IMMP1L: variants seen among roughly 807,000 people sequenced by gnomAD.
The protein encoded by IMMP1L is mitochondrial inner membrane protease subunit 1.
In IMMP1L, 24 loss-of-function variants were observed where a neutral mutation model predicts 21.8. The ratio of observed to expected loss-of-function variants is 1.10; its 90% CI spans 0.80 to 1.55. The LOEUF is 1.55. Ranked by LOEUF, IMMP1L falls within the 40% of genes most tolerant of loss-of-function variation. The pLI is 0.00. For synonymous variants in IMMP1L, 46 were observed against 62.8 expected (o/e 0.73, Z 1.26); for missense variants, 195 against 200.7 (o/e 0.97, Z 0.17).
intron 4 of IMMP1L, chr11:31,448,991 A>AT (rs1184454302): frequency 1.0e-6 from 1 of 985,306 alleles, no homozygotes; most frequent in Non-Finnish European, 1.2e-6. Context: ...TATTTCCTCC[A>AT]TATCAGCTGC....
At chr11:31,483,408 A>C (rs1056972365) in intron 1 of IMMP1L, among the ~76,000 whole-genome samples, 6 of 152,074 alleles carry the variant, frequency 3.9e-5, no homozygotes, top group Non-Finnish European at 8.8e-5. Context: ...ACATGTATAT[A>C]ATCCAAGGGA....
chr11:31,441,674 T>C (rs1953334485), intron 4 of IMMP1L, among the ~76,000 whole-genome samples: 1 of 151,970 alleles, frequency 6.6e-6, no homozygotes, highest in East Asian at 1.9e-4. Context: ...AACCAGATAA[T>C]AGAAAAAAGA....
intron 1 of IMMP1L, among the ~76,000 whole-genome samples, chr11:31,482,328 T>TA (rs560633639): frequency 1.3e-5 from 2 of 151,990 alleles, no homozygotes; most frequent in South Asian, 4.1e-4. Flanking sequence ...AAACAAGAAT[T>TA]AAAAAGCACT....
intron 1 of IMMP1L, among the ~76,000 whole-genome samples, chr11:31,504,911 T>C (rs1400527724): frequency 6.6e-6 from 1 of 152,166 alleles, no homozygotes; most frequent in East Asian, 1.9e-4. Context: ...AGGACTATAG[T>C]TTCTCTTTGT....
At chr11:31,465,845 A>T (rs972689641) in intron 1 of IMMP1L, among the ~76,000 whole-genome samples, 1 of 152,102 alleles carries the variant, frequency 6.6e-6, no homozygotes, top group Non-Finnish European at 1.5e-5. Flanking sequence ...ACTATAGGGG[A>T]AACACTTCAA....
intron 1 of IMMP1L, among the ~76,000 whole-genome samples, chr11:31,480,639 A>G (rs991762039): frequency 1.3e-5 from 2 of 152,134 alleles, no homozygotes; most frequent in African/African-American, 4.8e-5. Flanking sequence ...TCAATAAATA[A>G]GATGAATAAA....
At chr11:31,471,558 C>A (rs547582888) in intron 1 of IMMP1L, among the ~76,000 whole-genome samples, 2 of 152,152 alleles carry the variant, frequency 1.3e-5, no homozygotes, top group African/African-American at 4.8e-5. Flanking sequence ...TGGGATCAAA[C>A]AAAGGCCGAC....
At chr11:31,507,002 T>C (rs1955798155) in intron 1 of IMMP1L, among the ~76,000 whole-genome samples, 1 of 144,828 alleles carries the variant, frequency 6.9e-6, no homozygotes, top group African/African-American at 2.6e-5. Context: ...CATATTTGGC[T>C]GACGCGCTGG....
chr11:31,476,811 G>T (rs1286858496), intron 1 of IMMP1L, among the ~76,000 whole-genome samples: 1 of 151,804 alleles, frequency 6.6e-6, no homozygotes, highest in Non-Finnish European at 1.5e-5. Flanking sequence ...GTTTATATTG[G>T]ATCGTGTTAG....
intron 4 of IMMP1L, among the ~76,000 whole-genome samples, chr11:31,436,538 T>C (rs1199819076): frequency 6.6e-6 from 1 of 152,136 alleles, no homozygotes; most frequent in African/African-American, 2.4e-5. Flanking sequence ...GTTTAAGCAA[T>C]TCTCCTGCCT....
At chr11:31,466,957 C>A (rs566285998) in intron 1 of IMMP1L, among the ~76,000 whole-genome samples, 1 of 152,076 alleles carries the variant, frequency 6.6e-6, no homozygotes, top group Non-Finnish European at 1.5e-5. Flanking sequence ...GTGATGACTA[C>A]GCTAATTACC....
intron 4 of IMMP1L, among the ~76,000 whole-genome samples, chr11:31,437,552 G>T (rs1175813500): frequency 6.6e-6 from 1 of 151,986 alleles, no homozygotes; most frequent in Non-Finnish European, 1.5e-5. Flanking sequence ...ATTATTTTTG[G>T]TATGGGGGAA....
Position 31,433,442 on chromosome 11 carries a change from T to A in IMMP1L, c.432+18A>T. Reference sequence around the variant, plus strand: ...TAGCTCAGAAAATAAACCTTACATTTTAAGCAGAAAATGGTACCTTAAAGA... The same window carrying A: ...TAGCTCAGAAAATAAACCTTACATTATAAGCAGAAAATGGTACCTTAAAGA... On this transcript the variant is annotated intron_variant, in intron 5 of 5. Transcript: ENST00000532287. The A allele has an allele frequency of 7.2e-7, 1 of 1,398,476 alleles. No individual in the cohort carries two copies. The highest frequency in any genetic ancestry group is 1.3e-5 in the South Asian group (1 of 79,354). 86.6% of individuals were successfully genotyped at this position (1,398,476 alleles called of 1,614,324 possible).
chr11:31,489,793 T>C (rs1289586873), intron 1 of IMMP1L, among the ~76,000 whole-genome samples: 1 of 152,182 alleles, frequency 6.6e-6, no homozygotes, highest in African/African-American at 2.4e-5. Context: ...ATGAGTTTTC[T>C]CCTGTAACAA....
At chr11:31,443,753 G>C (rs1953419303) in intron 4 of IMMP1L, among the ~76,000 whole-genome samples, 1 of 152,022 alleles carries the variant, frequency 6.6e-6, no homozygotes, top group Admixed American at 6.6e-5. Flanking sequence ...CATCATTGCT[G>C]GGAACTGTTA....
At chr11:31,484,940 T>A (rs1030452345) in intron 1 of IMMP1L, among the ~76,000 whole-genome samples, 10 of 151,912 alleles carry the variant, frequency 6.6e-5, no homozygotes, top group Non-Finnish European at 1.3e-4. Context: ...AAACCTCATA[T>A]AAACTCAGTA....
chr11:31,460,020 G>A (rs981254140), intron 3 of IMMP1L, among the ~76,000 whole-genome samples: 22 of 152,026 alleles, frequency 1.4e-4, no homozygotes, highest in African/African-American at 4.6e-4. Flanking sequence ...ATCTGGGCGC[G>A]GCGAGTATAC....
At chr11:31,451,880 G>A (rs917339544) in intron 4 of IMMP1L, among the ~76,000 whole-genome samples, 3 of 152,144 alleles carry the variant, frequency 2.0e-5, no homozygotes, top group Non-Finnish European at 2.9e-5. Flanking sequence ...TGGATATGAG[G>A]AGGAACCAAT....
intron 1 of IMMP1L, among the ~76,000 whole-genome samples, chr11:31,491,805 A>T (rs1212212757): frequency 1.3e-5 from 2 of 152,236 alleles, no homozygotes; most frequent in South Asian, 2.1e-4. Context: ...AGATGAGATT[A>T]TCCAGGAAAG....
Sources: gnomAD v4.1 joint callset for allele counts (sites outside exome capture counted in the v4.1 genomes callset) on GRCh38, gnomAD v4.1.1 for gene constraint, MANE v1.5 for transcripts, NCBI Gene and HGNC (gene_info 2026-07-23, HGNC 2026-07-21) for gene names.